The following CREB3L2 variants were observed in gnomAD, a reference collection of about 807,000 sequenced individuals.
The protein encoded by CREB3L2 is cAMP responsive element binding protein 3 like 2.
Under a neutral mutation model 57.2 loss-of-function variants are expected in CREB3L2, and 23 were observed. The ratio of observed to expected loss-of-function variants is 0.40; its 90% CI spans 0.29 to 0.57. CREB3L2 has a LOEUF of 0.57. CREB3L2 is among the 20% of genes least tolerant of loss of function. CREB3L2 has a pLI of 0.42. For synonymous variants in CREB3L2, 268 were observed against 265.1 expected (o/e 1.01, Z -0.11); for missense variants, 628 against 634.7 (o/e 0.99, Z 0.11).
chr7:137,998,444 G>A (rs550276215), intron 1 of CREB3L2, among the ~76,000 whole-genome samples: 2 of 152,330 alleles, frequency 1.3e-5, no homozygotes, highest in East Asian at 1.9e-4. Flanking sequence ...AGGCTCAGCA[G>A]TTCCTATATT....
intron 1 of CREB3L2, among the ~76,000 whole-genome samples, chr7:137,955,920 G>T (rs992077976): frequency 7.2e-5 from 11 of 152,150 alleles, no homozygotes; most frequent in Admixed American, 2.6e-4. Flanking sequence ...GATGTATGGG[G>T]ACAGTCACTG....
intron 1 of CREB3L2, among the ~76,000 whole-genome samples, chr7:137,992,898 C>A (rs541599563): frequency 7.7e-4 from 118 of 152,262 alleles, no homozygotes; most frequent in African/African-American, 2.7e-3. Context: ...TAGGACCCAG[C>A]GGGCAGAGGA....
At chr7:137,995,321 T>A (rs1801969960) in intron 1 of CREB3L2, among the ~76,000 whole-genome samples, 1 of 75,768 alleles carries the variant, frequency 1.3e-5, no homozygotes, top group Non-Finnish European at 2.6e-5. Context: ...TTTCTTTTTT[T>A]TTCTTTTCTT....
At chr7:137,983,082 A>T (rs1357980049) in intron 1 of CREB3L2, among the ~76,000 whole-genome samples, 1 of 152,224 alleles carries the variant, frequency 6.6e-6, no homozygotes, top group African/African-American at 2.4e-5. Context: ...ATTTTATTAT[A>T]GCAGCCTGAG....
intron 1 of CREB3L2, among the ~76,000 whole-genome samples, chr7:137,976,055 A>G (rs746501589): frequency 6.6e-6 from 1 of 152,254 alleles, no homozygotes; most frequent in Non-Finnish European, 1.5e-5. Context: ...CAATTAGGGA[A>G]TCAGCATCTT....
At chr7:137,940,038 C>T (rs1057388796) in intron 1 of CREB3L2, among the ~76,000 whole-genome samples, 4 of 152,152 alleles carry the variant, frequency 2.6e-5, no homozygotes, top group African/African-American at 9.7e-5. Flanking sequence ...TGTTGATATC[C>T]CTCCTTCTGT....
chr7:137,885,243 G>T, intron 9 of CREB3L2, 122 bp from the exon 10 acceptor site: 1 of 1,250,870 alleles, frequency 8.0e-7, no homozygotes, highest in Non-Finnish European at 1.1e-6. Context: ...GCACCCACCA[G>T]TCACATCACC....
chr7:137,993,963 C>T (rs1192726239), intron 1 of CREB3L2, among the ~76,000 whole-genome samples: 1 of 152,168 alleles, frequency 6.6e-6, no homozygotes, highest in Non-Finnish European at 1.5e-5. Context: ...CAATTTGATT[C>T]AAGGAAAAAT....
Position 137,879,034 on chromosome 7 carries a change from T to G in CREB3L2, c.*1442A>C, listed in dbSNP as rs1799221639. The G allele has an allele frequency of 4.6e-6, 2 of 435,418 alleles. No homozygotes were observed. The highest frequency in any genetic ancestry group is 4.0e-5 in the African/African-American group (2 of 50,182). 27.0% of individuals were successfully genotyped at this position (435,418 alleles called of 1,614,324 possible). A position where few individuals can be genotyped will look rare whatever the true frequency, so the allele number is the denominator to read the frequency against. On this transcript the variant is annotated 3_prime_UTR_variant, in exon 12 of 12. Transcript: ENST00000330387. ...AAATACAAACTCTATGCACATTTCC[T>G]ACACAAAATCTTTCCCAAGCTCGGA...
At chr7:137,967,771 G>A (rs536808789) in intron 1 of CREB3L2, among the ~76,000 whole-genome samples, 1 of 152,264 alleles carries the variant, frequency 6.6e-6, no homozygotes. Context: ...GCATTCCTAA[G>A]ATCCTTCTAA....
rs750933727 is a variant in CREB3L2, at chr7:137,882,545, C to A, written c.1354G>T (p.Gly452Cys). Residue 452 changes from glycine to cysteine, a missense_variant, in exon 11 of 12, where the codon GGC (glycine) becomes TGC (cysteine). By Grantham distance (159) the Gly-to-Cys change is radical. This residue lies in a region of CREB3L2 where 272 missense variants were observed against 242.7 expected (regional missense o/e 1.12). Coordinates refer to ENST00000330387, the MANE Select transcript of CREB3L2 (RefSeq NM_194071.4). The stretch of plus-strand genomic sequence containing the variant: ...AGCAGGGAGGAACCTCTATCCCAGC[C>A]CCCCAGCTCCCCAGCCGAGCCCGGG... ...SSPGSAGELG[G>C]WDRGSSLLRV... The A allele has an allele frequency of 6.2e-7, 1 of 1,613,610 alleles. No individual in the cohort carries two copies. Among genetic ancestry groups the A allele is most frequent in the Non-Finnish European group, 8.5e-7 (1 of 1,179,708 alleles).
Position 138,001,637 on chromosome 7 carries a change from C to G in CREB3L2, c.69G>C (p.Glu23Asp), listed in dbSNP as rs747567177. The G allele has an allele frequency of 5.6e-6, 9 of 1,613,442 alleles. No homozygotes were observed. The highest frequency in any genetic ancestry group is 7.6e-6 in the Non-Finnish European group (9 of 1,179,778). ...ACATGAGGGCCTCGCCGTCCCCGGG[C>G]TCTGACAGCTCGCTCAGCTTGCGGT... The part of the protein sequence containing the change: ...QWDRKLSELS[E>D]PGDGEALMYH... Residue 23 changes from glutamate (E) to aspartate (D), a missense_variant, in exon 1 of 12, where the codon GAG (glutamate) becomes GAC (aspartate). By Grantham distance (45) the Glu-to-Asp change is conservative (BLOSUM62 2). This residue lies in a region of CREB3L2 where 339 missense variants were observed against 355.4 expected (regional missense o/e 0.95). Coordinates refer to ENST00000330387, the MANE Select transcript of CREB3L2 (RefSeq NM_194071.4). The surrounding 1 kb of genome is among the most constrained non-coding windows in gnomAD (Gnocchi z 4.2).
At position 137,950,728 on chromosome 7, in the gene CREB3L2, A is replaced by C. The variant is rs1318608972; in HGVS notation, c.103-22362T>G. On this transcript the variant is annotated intron_variant, in intron 1 of 11. Coordinates refer to ENST00000330387, the MANE Select transcript of CREB3L2 (RefSeq NM_194071.4). ...CAGAAACTGTGTCGTTGTAAGGTGT[A>C]AGCTAGATCTCAAAACACACTTTAT... Among the ~76,000 whole-genome samples, 5 of 152,218 alleles carry C rather than the reference A, an allele frequency of 3.3e-5. No homozygotes were observed. The East Asian group carries it at 9.6e-4, about 29-fold the overall frequency.
At chr7:137,898,055 T>G (rs1181521755) in intron 8 of CREB3L2, among the ~76,000 whole-genome samples, 1 of 152,154 alleles carries the variant, frequency 6.6e-6, no homozygotes, top group Non-Finnish European at 1.5e-5. Context: ...GAGGAACTCA[T>G]ACAACTCAAT....
intron 1 of CREB3L2, among the ~76,000 whole-genome samples, chr7:137,969,271 A>G (rs1053201526): frequency 6.6e-6 from 1 of 152,050 alleles, no homozygotes; most frequent in Non-Finnish European, 1.5e-5. Flanking sequence ...CAACTAGGGC[A>G]ATTTGAACAT....
intron 8 of CREB3L2, among the ~76,000 whole-genome samples, chr7:137,896,610 A>G (rs530421030): frequency 2.0e-5 from 3 of 152,140 alleles, no homozygotes; most frequent in Non-Finnish European, 4.4e-5. Flanking sequence ...CTTAAATATT[A>G]TGATCTTAGG....
At chr7:137,999,930 G>A (rs777844754) in intron 1 of CREB3L2, 4 of 152,096 alleles carry the variant, frequency 2.6e-5, no homozygotes, top group Non-Finnish European at 4.4e-5. Flanking sequence ...CAAATGTAAG[G>A]CCTCTACTCC....
chr7:137,918,958 G>A (rs963639711), intron 2 of CREB3L2, among the ~76,000 whole-genome samples: 5 of 152,120 alleles, frequency 3.3e-5, no homozygotes, highest in Non-Finnish European at 7.4e-5. Flanking sequence ...GCAAGTGATG[G>A]TACTTGAACT....
In CREB3L2 at chr7:137,876,930, T is replaced by C. The variant is rs555208656; in HGVS notation, c.*3546A>G. On this transcript the variant is annotated 3_prime_UTR_variant, in exon 12 of 12. Coordinates refer to ENST00000330387, the MANE Select transcript of CREB3L2 (RefSeq NM_194071.4). The stretch of plus-strand genomic sequence containing the variant: ...GGATGTCTCCATTTCTGGACTGTGC[T>C]CAAATTCACACCTTGTATGACATGT... The C allele has an allele frequency of 3.9e-5, 9 of 232,382 alleles. No homozygotes were observed. The East Asian group carries it at 5.5e-4, about 14-fold the overall frequency. 14.4% of individuals were successfully genotyped at this position (232,382 alleles called of 1,614,324 possible). A position where few individuals can be genotyped will look rare whatever the true frequency, so the allele number is the denominator to read the frequency against.
Sources: allele counts gnomAD v4.1 joint callset (sites outside exome capture counted in the v4.1 genomes callset), GRCh38; gene constraint gnomAD v4.1.1; regional missense constraint gnomAD v4.1.1; non-coding constraint Gnocchi (gnomAD v3.1); transcripts MANE v1.5; gene names NCBI Gene and HGNC (gene_info 2026-07-23, HGNC 2026-07-21).